Variants in GLIS3 observed in about 807,000 individuals in gnomAD.
The protein encoded by GLIS3 is zinc finger protein GLIS3.
In GLIS3, 53 loss-of-function variants were observed where a neutral mutation model predicts 78.6. That is an observed-to-expected ratio of 0.67 (90% confidence interval 0.54 to 0.85). GLIS3 has a LOEUF of 0.85. GLIS3 is among the 40% of genes least tolerant of loss of function. The pLI is 0.00. For missense variants in GLIS3, 1,703 were observed against 1,231.1 expected (o/e 1.38, Z -5.74); for synonymous variants, 684 against 509.9 (o/e 1.34, Z -4.60).
intron 4 of GLIS3, among the ~76,000 whole-genome samples, chr9:4,057,814 T>C (rs1449604919): frequency 6.6e-6 from 1 of 152,138 alleles, no homozygotes; most frequent in African/African-American, 2.4e-5. Context: ...AGAAAAAGGA[T>C]CGTCACTGAG....
At chr9:4,387,203 C>G in the GLIS3 span, among the ~76,000 whole-genome samples, 1 of 152,172 alleles carries the variant, frequency 6.6e-6, no homozygotes, top group African/African-American at 2.4e-5. Flanking sequence ...AATCTCTGTG[C>G]TTCCTTAAAG....
At chr9:4,260,728 G>C (rs1221474689) in intron 2 of GLIS3, among the ~76,000 whole-genome samples, 4 of 151,958 alleles carry the variant, frequency 2.6e-5, no homozygotes, top group Admixed American at 6.6e-5. Context: ...CCTGGTGACA[G>C]AGCAAGACTC....
chr9:3,897,455 T>C (rs143318693), intron 7 of GLIS3, among the ~76,000 whole-genome samples: 4,159 of 152,196 alleles, frequency 0.027, 92 homozygotes, highest in Middle Eastern at 0.055. Flanking sequence ...ATATATTTAA[T>C]ACAAAATATT....
In GLIS3 at chr9:3,995,134, T is replaced by C. The variant is rs373975663; in HGVS notation, c.1711-57945A>G. On this transcript the variant is annotated intron_variant, in intron 4 of 10. Coordinates refer to ENST00000381971, the MANE Select transcript of GLIS3 (RefSeq NM_001042413.2). ...AAACTGGGAGGAGCAAAACCAAACC[T>C]GACCTACAGAGTGAGGCAGTTGGCA... 4.9e-4 allele frequency among the ~76,000 whole-genome samples: 74 copies of C among 152,038 alleles called. 1 individual carries two copies. The South Asian group carries it at 0.015, about 30-fold the overall frequency.
At chr9:4,211,096 A>T (rs539326820) in intron 2 of GLIS3, among the ~76,000 whole-genome samples, 1 of 152,332 alleles carries the variant, frequency 6.6e-6, no homozygotes, top group Non-Finnish European at 1.5e-5. Flanking sequence ...TTCCTTGAGC[A>T]TCTGCACCAT....
At chr9:4,168,796 A>G (rs553378142) in intron 2 of GLIS3, among the ~76,000 whole-genome samples, 1 of 152,174 alleles carries the variant, frequency 6.6e-6, no homozygotes, top group African/African-American at 2.4e-5. Context: ...TGGGATGCCT[A>G]TGGTAAATTA....
At chr9:4,282,994 C>A (rs1002612683) in intron 2 of GLIS3, among the ~76,000 whole-genome samples, 1 of 152,030 alleles carries the variant, frequency 6.6e-6, no homozygotes, top group African/African-American at 2.4e-5. Flanking sequence ...ATGACATGCA[C>A]CAGGATTTCT....
chr9:4,326,672 AAAG>A (rs34103655), intron 2 of GLIS3, among the ~76,000 whole-genome samples: 2,722 of 152,308 alleles, frequency 0.018, 91 homozygotes, highest in African/African-American at 0.062. Flanking sequence ...TACACACCAA[AAAG>A]TAGTTTGAAT....
chr9:4,195,866 A>T (rs144869594), intron 2 of GLIS3, among the ~76,000 whole-genome samples: 1 of 152,314 alleles, frequency 6.6e-6, no homozygotes, highest in Non-Finnish European at 1.5e-5. Flanking sequence ...TAATCTAGTG[A>T]GGACGTGGAG....
intron 4 of GLIS3, among the ~76,000 whole-genome samples, chr9:3,939,219 G>C (rs865856216): frequency 6.6e-6 from 1 of 152,278 alleles, no homozygotes; most frequent in Middle Eastern, 3.4e-3. Flanking sequence ...CATTGTTTCA[G>C]CACCAGGATG....
intron 2 of GLIS3, among the ~76,000 whole-genome samples, chr9:4,190,365 T>G (rs1294494070): frequency 6.6e-6 from 1 of 151,876 alleles, no homozygotes; most frequent in Non-Finnish European, 1.5e-5. Flanking sequence ...AAGTCAAGGC[T>G]CGAGAACTAC....
intron 4 of GLIS3, among the ~76,000 whole-genome samples, chr9:4,028,139 T>G (rs1347916855): frequency 1.3e-5 from 2 of 152,184 alleles, no homozygotes; most frequent in African/African-American, 4.8e-5. Flanking sequence ...CATAGAGAAT[T>G]TTGAAGCTAG....
intron 4 of GLIS3, among the ~76,000 whole-genome samples, chr9:4,018,516 G>T (rs1393239788): frequency 6.6e-6 from 1 of 152,176 alleles, no homozygotes; most frequent in African/African-American, 2.4e-5. Flanking sequence ...CTGTTAAACA[G>T]AAGAAAAGGT....
chr9:4,134,349 A>G (rs930784907), intron 2 of GLIS3, among the ~76,000 whole-genome samples: 4 of 152,218 alleles, frequency 2.6e-5, no homozygotes, highest in African/African-American at 9.6e-5. Context: ...CTAATATAAA[A>G]TATGAGTCTT....
chr9:4,112,179 G>A (rs192048986), intron 4 of GLIS3, among the ~76,000 whole-genome samples: 12 of 152,234 alleles, frequency 7.9e-5, no homozygotes, highest in East Asian at 5.8e-4. Context: ...CCCAAACTTC[G>A]ACTAATAATT....
chr9:4,358,383 A>G, the GLIS3 span, among the ~76,000 whole-genome samples: 1 of 152,188 alleles, frequency 6.6e-6, no homozygotes, highest in Non-Finnish European at 1.5e-5. Flanking sequence ...TCAGGTACCA[A>G]GCAATGTCCC....
intron 2 of GLIS3, among the ~76,000 whole-genome samples, chr9:4,153,536 C>T (rs1834837687): frequency 6.6e-6 from 1 of 152,100 alleles, no homozygotes; most frequent in Non-Finnish European, 1.5e-5. Context: ...TACACTCCAG[C>T]CTGGGCAACA....
intron 2 of GLIS3, among the ~76,000 whole-genome samples, chr9:4,222,115 CCCTT>C (rs1322749805): frequency 1.3e-5 from 2 of 152,188 alleles, no homozygotes; most frequent in African/African-American, 4.8e-5. Context: ...CCTCTGGACT[CCCTT>C]CCTCCCTCCC....
At chr9:3,955,464 C>T (rs1335653797) in intron 4 of GLIS3, among the ~76,000 whole-genome samples, 1 of 152,040 alleles carries the variant, frequency 6.6e-6, no homozygotes, top group African/African-American at 2.4e-5. Flanking sequence ...AATTTCTGCC[C>T]CTGAGGATGG....
Sources: gnomAD v4.1 joint callset for allele counts (sites outside exome capture counted in the v4.1 genomes callset) on GRCh38, gnomAD v4.1.1 for gene constraint, MANE v1.5 for transcripts, NCBI Gene and HGNC (gene_info 2026-07-23, HGNC 2026-07-21) for gene names.